The following TENM2 variants were observed in gnomAD, a reference collection of about 807,000 sequenced individuals.
TENM2 encodes the protein teneurin transmembrane protein 2, also known as teneurin-2.
TENM2 carries 52 observed loss-of-function variants against 245.2 expected under a neutral mutation model. That is an observed-to-expected ratio of 0.21 (90% CI 0.17 to 0.27). The LOEUF (loss-of-function observed/expected upper bound fraction) is 0.27. Ranked by LOEUF, TENM2 falls within the 10% of genes least tolerant of loss-of-function variation. TENM2 has a pLI of 1.00. For synonymous variants in TENM2, 1,363 were observed against 1,438.9 expected (o/e 0.95, Z 1.19); for missense variants, 3,046 against 3,666.8 (o/e 0.83, Z 4.37).
chr5:167,049,487 T>C, the TENM2 span, among the ~76,000 whole-genome samples: 2 of 152,250 alleles, frequency 1.3e-5, no homozygotes, highest in Non-Finnish European at 2.9e-5. Context: ...AGTCCTCTTG[T>C]CTTTAAACCA....
At chr5:167,115,122 A>C in the TENM2 span, among the ~76,000 whole-genome samples, 1 of 152,200 alleles carries the variant, frequency 6.6e-6, no homozygotes, top group Non-Finnish European at 1.5e-5. Flanking sequence ...AACTTTTGTT[A>C]CAGAAGAGTG....
chr5:167,834,541 CT>C (rs1768793526), intron 2 of TENM2, among the ~76,000 whole-genome samples: 1 of 151,626 alleles, frequency 6.6e-6, no homozygotes, highest in Non-Finnish European at 1.5e-5. Flanking sequence ...CTGGTTAGTG[CT>C]GTGAGTAGCA....
At chr5:168,079,115 G>T (rs1364103747) in intron 7 of TENM2, among the ~76,000 whole-genome samples, 1 of 152,140 alleles carries the variant, frequency 6.6e-6, no homozygotes, top group Non-Finnish European at 1.5e-5. Flanking sequence ...TTGAGCAGTG[G>T]TTTGTAGTTC....
intron 2 of TENM2, among the ~76,000 whole-genome samples, chr5:167,566,437 G>GT (rs1410996459): frequency 2.0e-5 from 3 of 152,046 alleles, no homozygotes; most frequent in South Asian, 2.1e-4. Context: ...AAATTGCACT[G>GT]TTTTTTCCTG....
the TENM2 span, among the ~76,000 whole-genome samples, chr5:167,267,023 C>T: frequency 5.5e-4 from 84 of 152,226 alleles, no homozygotes; most frequent in African/African-American, 1.6e-3. Flanking sequence ...ACTAAATCAG[C>T]CTGTTACTTT....
chr5:167,665,078 A>C (rs904929967), intron 2 of TENM2, among the ~76,000 whole-genome samples: 6 of 152,228 alleles, frequency 3.9e-5, no homozygotes, highest in African/African-American at 7.2e-5. Flanking sequence ...CTCTGAAGTC[A>C]AACAGCCTAT....
At chr5:167,351,779 C>G (rs1758931230) in intron 1 of TENM2, among the ~76,000 whole-genome samples, 1 of 151,960 alleles carries the variant, frequency 6.6e-6, no homozygotes, top group Non-Finnish European at 1.5e-5. Context: ...ATTTAAGGGG[C>G]AGCTGTAATC....
chr5:167,866,679 G>A (rs1268455573), intron 2 of TENM2, among the ~76,000 whole-genome samples: 1 of 152,140 alleles, frequency 6.6e-6, no homozygotes, highest in Non-Finnish European at 1.5e-5. Context: ...ATAGGCAATG[G>A]AAAGCCTTGG....
At chr5:168,234,015 G>A (rs1581714646) in intron 25 of TENM2, among the ~76,000 whole-genome samples, 1 of 152,076 alleles carries the variant, frequency 6.6e-6, no homozygotes, top group African/African-American at 2.4e-5. Context: ...ATTTGGGTGG[G>A]GACACAGCCA....
chr5:167,004,259 T>C, the TENM2 span, among the ~76,000 whole-genome samples: 3,555 of 152,278 alleles, frequency 0.023, 141 homozygotes, highest in African/African-American at 0.077. Flanking sequence ...AATGCTTATT[T>C]TTACATCTCA....
At chr5:167,180,970 C>T in the TENM2 span, among the ~76,000 whole-genome samples, 1 of 150,276 alleles carries the variant, frequency 6.7e-6, no homozygotes, top group Middle Eastern at 3.2e-3. Flanking sequence ...AAAACAAAAA[C>T]CAAAAACAAT....
chr5:168,239,914 G>C (rs893286940), intron 25 of TENM2, among the ~76,000 whole-genome samples: 3 of 152,064 alleles, frequency 2.0e-5, no homozygotes, highest in Non-Finnish European at 4.4e-5. Flanking sequence ...ACCCAGGGAG[G>C]TTTTAAAAAT....
At chr5:167,596,152 G>A (rs1247634280) in intron 2 of TENM2, among the ~76,000 whole-genome samples, 19 of 152,162 alleles carry the variant, frequency 1.2e-4, no homozygotes, top group Admixed American at 1.1e-3. Context: ...GGTGCGACAG[G>A]AATAGCAACA....
intron 2 of TENM2, among the ~76,000 whole-genome samples, chr5:167,547,233 G>A (rs779255718): frequency 6.6e-6 from 1 of 152,064 alleles, no homozygotes. Context: ...TTACAGGCAC[G>A]TGCCACCACG....
intron 4 of TENM2, among the ~76,000 whole-genome samples, chr5:167,970,470 G>A (rs937439583): frequency 3.3e-5 from 5 of 152,096 alleles, no homozygotes; most frequent in Non-Finnish European, 7.3e-5. Flanking sequence ...AAAACATCTC[G>A]ATGCATTTCC....
the TENM2 span, among the ~76,000 whole-genome samples, chr5:167,176,557 A>G: frequency 2.6e-5 from 4 of 152,338 alleles, no homozygotes; most frequent in South Asian, 2.1e-4. Context: ...AGCAGGATTG[A>G]TCCTATGCTT....
chr5:168,165,320 G>C (rs182114263), intron 13 of TENM2: 1 of 152,114 alleles, frequency 6.6e-6, no homozygotes, highest in African/African-American at 2.4e-5. Context: ...CCTCCCTGGC[G>C]ATTTCATTGA....
chr5:167,131,696 A>G, the TENM2 span, among the ~76,000 whole-genome samples: 2 of 152,192 alleles, frequency 1.3e-5, no homozygotes, highest in African/African-American at 4.8e-5. Context: ...TACTAATAAA[A>G]TTGATATTAG....
intron 3 of TENM2, among the ~76,000 whole-genome samples, chr5:167,951,853 T>C (rs1780132751): frequency 6.6e-6 from 1 of 152,238 alleles, no homozygotes; most frequent in South Asian, 2.1e-4. Flanking sequence ...TATGTGTGTA[T>C]ACACACATAC....
Sources: gnomAD v4.1 joint callset for allele counts (sites outside exome capture counted in the v4.1 genomes callset) on GRCh38, gnomAD v4.1.1 for gene constraint, MANE v1.5 for transcripts, NCBI Gene and HGNC (gene_info 2026-07-23, HGNC 2026-07-21) for gene names.